LRRC4C: variants seen among roughly 807,000 people sequenced by gnomAD.
The protein encoded by LRRC4C is leucine rich repeat containing 4C.
In LRRC4C, 5 loss-of-function variants were observed where a neutral mutation model predicts 33.6. The ratio of observed to expected loss-of-function variants is 0.15; its 90% CI spans 0.08 to 0.31. LRRC4C has a LOEUF of 0.31. Among genes scored for constraint, LRRC4C ranks in the 10% least tolerant of loss-of-function variants. The pLI, the probability that LRRC4C is intolerant of heterozygous loss-of-function variation, is 1.00. For missense variants in LRRC4C, 560 were observed against 796.7 expected, an observed-to-expected ratio of 0.70 and a Z score of 3.58; for synonymous variants, 329 against 302.0, an observed-to-expected ratio of 1.09 and a Z score of -0.93.
intron 2 of LRRC4C, among the ~76,000 whole-genome samples, chr11:40,741,153 T>C (rs1424469450): frequency 6.6e-6 from 1 of 152,088 alleles, no homozygotes; most frequent in Non-Finnish European, 1.5e-5. Flanking sequence ...AGGTTCTTCA[T>C]ACAATTATTA....
chr11:41,148,437 G>A (rs75760202), intron 1 of LRRC4C, among the ~76,000 whole-genome samples: 1 of 152,056 alleles, frequency 6.6e-6, no homozygotes, highest in African/African-American at 2.4e-5. Flanking sequence ...AAGATTATTT[G>A]TCATTGGATA....
intron 1 of LRRC4C, among the ~76,000 whole-genome samples, chr11:41,293,802 T>C (rs965791081): frequency 3.3e-5 from 5 of 152,058 alleles, no homozygotes; most frequent in Non-Finnish European, 7.4e-5. Flanking sequence ...TCACCACGTA[T>C]GCCAGGCTTG....
At chr11:41,252,159 C>A (rs1948659756) in intron 1 of LRRC4C, among the ~76,000 whole-genome samples, 1 of 152,130 alleles carries the variant, frequency 6.6e-6, no homozygotes, top group Admixed American at 6.6e-5. Flanking sequence ...TTGAATTCAA[C>A]TCTGTTGAAA....
intron 2 of LRRC4C, among the ~76,000 whole-genome samples, chr11:40,711,722 G>GAA (rs5791398): frequency 7.8e-4 from 107 of 136,824 alleles, no homozygotes; most frequent in Non-Finnish European, 8.2e-4. Context: ...TTCAGAGTTA[G>GAA]AAAAAAAAAA....
chr11:40,318,895 T>C (rs749509759), intron 4 of LRRC4C, among the ~76,000 whole-genome samples: 3 of 152,216 alleles, frequency 2.0e-5, no homozygotes, highest in Non-Finnish European at 2.9e-5. Flanking sequence ...TGAAAATACC[T>C]GACTTCTAAT....
intron 1 of LRRC4C, among the ~76,000 whole-genome samples, chr11:41,275,284 C>T (rs1280710376): frequency 2.0e-5 from 3 of 152,046 alleles, no homozygotes; most frequent in East Asian, 1.9e-4. Flanking sequence ...AAATGGACTA[C>T]CACATGGAGA....
chr11:40,952,849 AACACACACACACACACACACACAC>A (rs56684958), intron 1 of LRRC4C, among the ~76,000 whole-genome samples: 1 of 112,714 alleles, frequency 8.9e-6, no homozygotes, highest in Non-Finnish European at 1.8e-5. Flanking sequence ...TCTATTTCCA[AACACACACACACACACACACACAC>A]ACACACACAC....
intron 3 of LRRC4C, among the ~76,000 whole-genome samples, chr11:40,512,792 A>G (rs1287901904): frequency 1.3e-5 from 2 of 152,186 alleles, no homozygotes; most frequent in Non-Finnish European, 2.9e-5. Context: ...GGATGAATTC[A>G]GGAGACAGGT....
chr11:40,310,147 A>C (rs1945232041), intron 4 of LRRC4C, among the ~76,000 whole-genome samples: 1 of 152,162 alleles, frequency 6.6e-6, no homozygotes, highest in African/African-American at 2.4e-5. Flanking sequence ...TTACTTCATG[A>C]ATAATCATGA....
chr11:40,413,598 A>G (rs760294653), intron 3 of LRRC4C, among the ~76,000 whole-genome samples: 4 of 152,086 alleles, frequency 2.6e-5, no homozygotes, highest in Non-Finnish European at 4.4e-5. Context: ...ATAACTAATT[A>G]TGTGTGGAAT....
intron 1 of LRRC4C, among the ~76,000 whole-genome samples, chr11:41,267,035 G>A (rs1054219415): frequency 6.6e-6 from 1 of 152,076 alleles, no homozygotes; most frequent in African/African-American, 2.4e-5. Flanking sequence ...CATGGACTGG[G>A]CTAGACCTAA....
chr11:40,586,415 T>G (rs1292188786), intron 3 of LRRC4C, among the ~76,000 whole-genome samples: 3 of 147,822 alleles, frequency 2.0e-5, no homozygotes, highest in African/African-American at 7.6e-5. Flanking sequence ...TTTCTCCCAT[T>G]TTGTAGGTTG....
Position 40,774,837 on chromosome 11 carries a change from C to T in LRRC4C, c.-406-126559G>A, listed in dbSNP as rs768486749. ...AGGGCTATTTGGCATTATGTATCTA[C>T]GGCTTTAATAGAGTCCATATTCTTC... On this transcript the variant is annotated intron_variant, in intron 2 of 6. Coordinates refer to ENST00000528697, the MANE Select transcript of LRRC4C (RefSeq NM_001258419.2). Among the ~76,000 whole-genome samples, 26 of 152,100 alleles carry T rather than the reference C, an allele frequency of 1.7e-4. No individual in the cohort carries two copies. The South Asian group carries it at 2.1e-3, about 12-fold the overall frequency.
At chr11:41,235,771 C>T (rs565846731) in intron 1 of LRRC4C, among the ~76,000 whole-genome samples, 1 of 152,216 alleles carries the variant, frequency 6.6e-6, no homozygotes, top group African/African-American at 2.4e-5. Flanking sequence ...TCATCTCTGT[C>T]TTATATGGGA....
chr11:41,354,825 T>C (rs981322274), intron 1 of LRRC4C, among the ~76,000 whole-genome samples: 1 of 152,062 alleles, frequency 6.6e-6, no homozygotes, highest in Non-Finnish European at 1.5e-5. Flanking sequence ...ACTGTACTCA[T>C]TTCACCATAT....
intron 5 of LRRC4C, among the ~76,000 whole-genome samples, chr11:40,160,436 C>T (rs555068925): frequency 6.6e-6 from 1 of 152,152 alleles, no homozygotes; most frequent in South Asian, 2.1e-4. Flanking sequence ...TAAATTTCAT[C>T]TGAAAAATTT....
chr11:40,441,274 T>G (rs999593861), intron 3 of LRRC4C, among the ~76,000 whole-genome samples: 2 of 152,216 alleles, frequency 1.3e-5, no homozygotes, highest in African/African-American at 2.4e-5. Context: ...CTCTTTGAGT[T>G]GCAAATTTGT....
intron 4 of LRRC4C, among the ~76,000 whole-genome samples, chr11:40,289,927 T>C (rs945544445): frequency 6.6e-6 from 1 of 152,162 alleles, no homozygotes; most frequent in Non-Finnish European, 1.5e-5. Flanking sequence ...TTAGGAAAGT[T>C]GCATGTATAC....
chr11:41,260,731 C>A (rs2136727890), intron 1 of LRRC4C, among the ~76,000 whole-genome samples: 1 of 151,984 alleles, frequency 6.6e-6, no homozygotes, highest in South Asian at 2.1e-4. Flanking sequence ...AGGAAAAAGA[C>A]AAGTGGTAAC....
Sources: allele counts gnomAD v4.1 joint callset (sites outside exome capture counted in the v4.1 genomes callset), GRCh38; gene constraint gnomAD v4.1.1; transcripts MANE v1.5; gene names NCBI Gene and HGNC (gene_info 2026-07-23, HGNC 2026-07-21).